The following RSU1 variants were observed in gnomAD, a reference collection of about 807,000 sequenced individuals.
RSU1 encodes the protein rsu-1.
In RSU1, 26 loss-of-function variants were observed where a neutral mutation model predicts 31.1. The observed-to-expected ratio is 0.84, with a 90% CI of 0.61 to 1.16. The LOEUF (loss-of-function observed/expected upper bound fraction) is 1.16. Among genes scored for constraint, RSU1 ranks in the 50% most tolerant of loss-of-function variants. The pLI is 0.00. For synonymous variants in RSU1, 164 were observed against 136.3 expected (o/e 1.20, Z -1.41); for missense variants, 320 against 339.1 (o/e 0.94, Z 0.44).
In RSU1 at chr10:16,592,686, T is replaced by C. The variant is rs1833528896; in HGVS notation, c.*708A>G. On this transcript the variant is annotated 3_prime_UTR_variant, in exon 9 of 9. Coordinates refer to ENST00000345264, the MANE Select transcript of RSU1 (RefSeq NM_012425.4). ...TTTGGCAGAATCTCCTAGAGATTTG[T>C]TTTTCTGCTTCCTAATTTAGAAAGT... The C allele has an allele frequency of 6.6e-6, 1 of 152,146 alleles. No homozygotes were observed. The highest frequency in any genetic ancestry group is 6.6e-5 in the Admixed American group (1 of 15,262). 9.4% of individuals were successfully genotyped at this position (152,146 alleles called of 1,614,324 possible).
chr10:16,785,605 A>G (rs1209592835), intron 2 of RSU1, among the ~76,000 whole-genome samples: 1 of 151,390 alleles, frequency 6.6e-6, no homozygotes, highest in East Asian at 1.9e-4. Flanking sequence ...TGCCCCCGTG[A>G]TCCAGTCACC....
intron 3 of RSU1, among the ~76,000 whole-genome samples, chr10:16,778,077 G>A (rs1454760146): frequency 6.9e-6 from 1 of 144,136 alleles, no homozygotes; most frequent in Admixed American, 7.2e-5. Flanking sequence ...CTGGAGTGCA[G>A]TAGTACAATC....
intron 7 of RSU1, among the ~76,000 whole-genome samples, chr10:16,728,141 T>C (rs879479167): frequency 1.3e-5 from 2 of 152,172 alleles, no homozygotes; most frequent in Non-Finnish European, 2.9e-5. Flanking sequence ...TTTCTGGACA[T>C]GACATCTTTG....
At chr10:16,750,067 C>G (rs1836943723) in intron 7 of RSU1, among the ~76,000 whole-genome samples, 1 of 152,172 alleles carries the variant, frequency 6.6e-6, no homozygotes, top group Admixed American at 6.5e-5. Flanking sequence ...CCTTATAATT[C>G]TTACGATAAT....
At chr10:16,727,795 T>C (rs531658625) in intron 7 of RSU1, among the ~76,000 whole-genome samples, 9 of 152,292 alleles carry the variant, frequency 5.9e-5, no homozygotes, top group African/African-American at 2.2e-4. Flanking sequence ...AGTCGTGCTA[T>C]TTAGACAACC....
chr10:16,780,607 C>G (rs1022142399), intron 3 of RSU1, among the ~76,000 whole-genome samples: 5 of 152,186 alleles, frequency 3.3e-5, no homozygotes. Flanking sequence ...ATTGTTGTAA[C>G]AATGGTAAGC....
At chr10:16,740,529 C>T (rs1836728719) in intron 7 of RSU1, among the ~76,000 whole-genome samples, 1 of 152,048 alleles carries the variant, frequency 6.6e-6, no homozygotes, top group African/African-American at 2.4e-5. Context: ...TAAAGACATC[C>T]AGATTGGAAA....
At chr10:16,678,037 A>G (rs955757986) in intron 8 of RSU1, among the ~76,000 whole-genome samples, 9 of 152,174 alleles carry the variant, frequency 5.9e-5, no homozygotes, top group African/African-American at 9.6e-5. Context: ...TCCGAAGCGC[A>G]TTTCCATCCT....
At chr10:16,703,698 T>C (rs765704062) in intron 7 of RSU1, among the ~76,000 whole-genome samples, 5 of 152,216 alleles carry the variant, frequency 3.3e-5, no homozygotes, top group Non-Finnish European at 7.3e-5. Flanking sequence ...CTGTAAAACT[T>C]ATACAGCATG....
At chr10:16,683,504 C>A (rs767331988) in intron 8 of RSU1, among the ~76,000 whole-genome samples, 1 of 152,112 alleles carries the variant, frequency 6.6e-6, no homozygotes, top group Non-Finnish European at 1.5e-5. Context: ...ACCTTTGACA[C>A]GCACATACTT....
At chr10:16,721,825 C>T (rs917016740) in intron 7 of RSU1, 2 of 152,126 alleles carry the variant, frequency 1.3e-5, no homozygotes, top group Non-Finnish European at 2.9e-5. Flanking sequence ...TCATATTTAC[C>T]CTCTCTGCAT....
chr10:16,722,959 C>CAT, intron 7 of RSU1: 1 of 146,744 alleles, frequency 6.8e-6, no homozygotes, highest in Non-Finnish European at 1.5e-5. Context: ...TATATACACA[C>CAT]ATATACATAT....
At chr10:16,805,387 T>C (rs968252173) in intron 2 of RSU1, among the ~76,000 whole-genome samples, 6 of 152,064 alleles carry the variant, frequency 3.9e-5, no homozygotes, top group Admixed American at 3.9e-4. Flanking sequence ...ATAGCCTTTT[T>C]TTGGCCGGGA....
chr10:16,666,922 C>T (rs534578157), intron 8 of RSU1, among the ~76,000 whole-genome samples: 2 of 151,798 alleles, frequency 1.3e-5, no homozygotes, highest in Admixed American at 6.6e-5. Flanking sequence ...CCCAGCATTG[C>T]GGGGCGAAGG....
intron 7 of RSU1, among the ~76,000 whole-genome samples, chr10:16,746,364 T>G (rs183289529): frequency 1.3e-3 from 204 of 152,330 alleles, no homozygotes; most frequent in Non-Finnish European, 2.5e-3. Context: ...GCACTTTGTT[T>G]TGTTGCATGC....
chr10:16,767,868 C>T (rs1334453104), intron 3 of RSU1, among the ~76,000 whole-genome samples: 1 of 152,168 alleles, frequency 6.6e-6, no homozygotes, highest in Non-Finnish European at 1.5e-5. Context: ...CTACTCCCAA[C>T]CAAACTCTCT....
chr10:16,601,731 C>T (rs929858251), intron 8 of RSU1, among the ~76,000 whole-genome samples: 3 of 152,164 alleles, frequency 2.0e-5, no homozygotes, highest in Non-Finnish European at 4.4e-5. Context: ...GAATCTGGCT[C>T]GCCTAATGTC....
chr10:16,781,632 T>C (rs1837651488), intron 3 of RSU1, among the ~76,000 whole-genome samples: 1 of 152,234 alleles, frequency 6.6e-6, no homozygotes, highest in Admixed American at 6.5e-5. Context: ...TATCTCTGAA[T>C]GGAACCACTT....
chr10:16,657,528 A>AC (rs1458797324), intron 8 of RSU1, among the ~76,000 whole-genome samples: 2 of 146,362 alleles, frequency 1.4e-5, no homozygotes, highest in African/African-American at 5.4e-5. Context: ...CAATCATACT[A>AC]GAAAAAAAAA....
Sources: gnomAD v4.1 joint callset for allele counts (sites outside exome capture counted in the v4.1 genomes callset) on GRCh38, gnomAD v4.1.1 for gene constraint, MANE v1.5 for transcripts, NCBI Gene and HGNC (gene_info 2026-07-23, HGNC 2026-07-21) for gene names.